The following TAB2 variants were observed in gnomAD, a reference collection of about 807,000 sequenced individuals.
The protein encoded by TAB2 is TGF-beta-activated kinase 1 and MAP3K7-binding protein 2.
TAB2 carries 3 observed loss-of-function variants against 65.0 expected under a neutral mutation model. The observed-to-expected ratio is 0.05, with a 90% CI of 0.02 to 0.12. The LOEUF is 0.12. Ranked by LOEUF, TAB2 falls within the 10% of genes least tolerant of loss-of-function variation. The pLI is 1.00. For synonymous variants in TAB2, 298 were observed against 285.1 expected, an observed-to-expected ratio of 1.05 and a Z score of -0.46; for missense variants, 623 against 840.3, an observed-to-expected ratio of 0.74 and a Z score of 3.20.
At chr6:149,289,435 C>G (rs1163187429) in intron 1 of TAB2, among the ~76,000 whole-genome samples, 3 of 151,962 alleles carry the variant, frequency 2.0e-5, no homozygotes, top group African/African-American at 7.2e-5. Flanking sequence ...GGCCTAAAGT[C>G]CCTCATAGAT....
chr6:149,325,896 C>T (rs752728858), intron 1 of TAB2, among the ~76,000 whole-genome samples: 17 of 152,116 alleles, frequency 1.1e-4, no homozygotes, highest in African/African-American at 2.9e-4. Flanking sequence ...CGTACCACAA[C>T]GCTCAGCTTA....
chr6:149,380,900 A>T (rs934498334), intron 3 of TAB2, among the ~76,000 whole-genome samples: 1 of 152,200 alleles, frequency 6.6e-6, no homozygotes, highest in Admixed American at 6.5e-5. Context: ...AGTGATTCTT[A>T]GTCCAAGCTG....
At chr6:149,304,034 A>G (rs1779014832) in intron 1 of TAB2, 1 of 152,264 alleles carries the variant, frequency 6.6e-6, no homozygotes, top group Non-Finnish European at 1.5e-5. Flanking sequence ...TCTAATTTCA[A>G]ATTTTGTTTA....
chr6:149,225,364 A>AG (rs145767668), intron 1 of TAB2, among the ~76,000 whole-genome samples: 1 of 151,922 alleles, frequency 6.6e-6, no homozygotes, highest in Non-Finnish European at 1.5e-5. Context: ...GAAAAAAAAA[A>AG]GAATATTGGA....
intron 1 of TAB2, among the ~76,000 whole-genome samples, chr6:149,324,826 C>CTT (rs35922173): frequency 0.018 from 2,366 of 132,762 alleles, 90 homozygotes; most frequent in African/African-American, 0.059. Flanking sequence ...GAAAATATTA[C>CTT]TTTTTTTTTT....
At chr6:149,301,188 C>T (rs1043640923) in intron 1 of TAB2, among the ~76,000 whole-genome samples, 1 of 152,308 alleles carries the variant, frequency 6.6e-6, no homozygotes, top group Admixed American at 6.5e-5. Context: ...AGGGACAAAT[C>T]CCTTGCACTT....
intron 1 of TAB2, among the ~76,000 whole-genome samples, chr6:149,237,074 A>G (rs1263211724): frequency 3.3e-5 from 5 of 152,174 alleles, no homozygotes; most frequent in Non-Finnish European, 7.3e-5. Flanking sequence ...CGTGTTAGGC[A>G]CTGTGAAGTG....
chr6:149,273,200 C>T, intron 1 of TAB2, among the ~76,000 whole-genome samples: 1 of 152,056 alleles, frequency 6.6e-6, no homozygotes, highest in East Asian at 1.9e-4. Context: ...GCCCAAAATG[C>T]CAAGGCTAAA....
intron 1 of TAB2, among the ~76,000 whole-genome samples, chr6:149,238,889 C>T (rs759812127): frequency 2.0e-5 from 3 of 152,220 alleles, no homozygotes; most frequent in African/African-American, 7.2e-5. Flanking sequence ...ACAGAGCCTT[C>T]GCCAATGTTC....
At chr6:149,222,340 A>G (rs1159361561) in intron 1 of TAB2, among the ~76,000 whole-genome samples, 1 of 152,164 alleles carries the variant, frequency 6.6e-6, no homozygotes, top group African/African-American at 2.4e-5. Flanking sequence ...TTTCCTGGCC[A>G]GGCGTGGTGG....
chr6:149,324,860 A>G (rs1779554647), intron 1 of TAB2, among the ~76,000 whole-genome samples: 1 of 147,164 alleles, frequency 6.8e-6, no homozygotes, highest in African/African-American at 2.6e-5. Context: ...GCAGTGACAC[A>G]ATCATAGCTC....
intron 1 of TAB2, among the ~76,000 whole-genome samples, chr6:149,253,958 A>AAGAG (rs1403666068): frequency 9.7e-4 from 74 of 76,342 alleles, no homozygotes; most frequent in African/African-American, 1.8e-3. Flanking sequence ...GAAAGAAAGA[A>AAGAG]AAAGAAAGAA....
intron 3 of TAB2, among the ~76,000 whole-genome samples, chr6:149,388,520 G>A (rs1417656119): frequency 6.6e-6 from 1 of 152,112 alleles, no homozygotes; most frequent in Non-Finnish European, 1.5e-5. Flanking sequence ...AACATTTTTG[G>A]TAACATTTAT....
chr6:149,241,200 G>T (rs1777591115), intron 1 of TAB2, among the ~76,000 whole-genome samples: 1 of 152,128 alleles, frequency 6.6e-6, no homozygotes, highest in African/African-American at 2.4e-5. Context: ...AGGAATAAAT[G>T]ACTATTGTTT....
At chr6:149,226,712 G>T (rs1188561018) in intron 1 of TAB2, among the ~76,000 whole-genome samples, 2 of 152,156 alleles carry the variant, frequency 1.3e-5, no homozygotes, top group Non-Finnish European at 2.9e-5. Flanking sequence ...TAAGATACTA[G>T]GTGCAAAAAC....
intron 6 of TAB2, chr6:149,400,908 T>C: frequency 1.9e-6 from 1 of 520,202 alleles, no homozygotes; most frequent in Non-Finnish European, 3.4e-6. Context: ...AATGGTATGT[T>C]TTGATTGACA....
At chr6:149,266,834 T>C (rs1778273530) in intron 1 of TAB2, among the ~76,000 whole-genome samples, 1 of 152,142 alleles carries the variant, frequency 6.6e-6, no homozygotes, top group Non-Finnish European at 1.5e-5. Context: ...CAGGGTCTGG[T>C]TGAGTGAAAA....
At chr6:149,244,024 C>T (rs890035751) in intron 1 of TAB2, 24 of 152,216 alleles carry the variant, frequency 1.6e-4, no homozygotes, top group African/African-American at 5.3e-4. Context: ...CCAAAGAAAG[C>T]AGATACAGCC....
intron 6 of TAB2, among the ~76,000 whole-genome samples, chr6:149,402,075 AT>A (rs1348537238): frequency 6.6e-6 from 1 of 152,028 alleles, no homozygotes; most frequent in East Asian, 1.9e-4. Flanking sequence ...TAATGTTAGC[AT>A]AATGAAGAAA....
Sources: allele counts gnomAD v4.1 joint callset (sites outside exome capture counted in the v4.1 genomes callset), GRCh38; gene constraint gnomAD v4.1.1; transcripts MANE v1.5; gene names NCBI Gene and HGNC (gene_info 2026-07-23, HGNC 2026-07-21).